POU3F3: variants seen among roughly 807,000 people sequenced by gnomAD.
POU3F3 encodes the protein POU class 3 homeobox 3.
A neutral mutation model predicts 8.6 loss-of-function variants in POU3F3; 1 was observed. The observed-to-expected ratio is 0.12, with a 90% CI of 0.04 to 0.55. The LOEUF (loss-of-function observed/expected upper bound fraction) is 0.55. Ranked by LOEUF, POU3F3 falls within the 20% of genes least tolerant of loss-of-function variation. The pLI, the probability that POU3F3 is intolerant of heterozygous loss-of-function variation, is 0.91. For synonymous variants in POU3F3, 418 were observed against 327.4 expected (o/e 1.28, Z -2.99); for missense variants, 577 against 690.7 (o/e 0.84, Z 1.84).
the POU3F3 span, among the ~76,000 whole-genome samples, chr2:104,886,052 C>T: frequency 6.6e-6 from 1 of 152,204 alleles, no homozygotes; most frequent in Non-Finnish European, 1.5e-5. Context: ...CCGCCTCAGC[C>T]TCCCAAAGTG....
chr2:104,856,269 C>G lies in POU3F3; in HGVS notation c.759C>G (p.Ser253Arg). 3.5e-6 allele frequency: 5 copies of G among 1,429,820 alleles called. No homozygotes were observed. Among genetic ancestry groups the G allele is most frequent in the Non-Finnish European group, 4.5e-6 (5 of 1,102,870 alleles). 88.6% of individuals were successfully genotyped at this position (1,429,820 alleles called of 1,614,324 possible). ...GCGGCGCGGGCGGTGGAGCCCAGAG[C>G]TTGGTGCACCCGGGGCTGGTGCGCG... ...GGGGAGGGAQ[S>R]LVHPGLVRGD... is the part of the protein sequence containing the mutation. Residue 253 changes from serine to arginine, a missense_variant, in exon 1 of 1, where the codon AGC (serine) becomes AGG (arginine). Transcript: ENST00000361360.
chr2:104,911,585 C>T, the POU3F3 span, among the ~76,000 whole-genome samples: 7 of 152,068 alleles, frequency 4.6e-5, no homozygotes, highest in African/African-American at 1.7e-4. Context: ...AGAGCATCTC[C>T]CAGCAGGTTC....
chr2:104,925,373 G>T, the POU3F3 span, among the ~76,000 whole-genome samples: 1 of 152,204 alleles, frequency 6.6e-6, no homozygotes, highest in African/African-American at 2.4e-5. Context: ...GGTTTGGAAG[G>T]ATGTGCTTGT....
chr2:104,920,476 G>A, the POU3F3 span, among the ~76,000 whole-genome samples: 1 of 152,282 alleles, frequency 6.6e-6, no homozygotes, highest in East Asian at 1.9e-4. Flanking sequence ...GCAAAAAGCA[G>A]CAAGAAGCAG....
chr2:104,915,270 GA>G, the POU3F3 span, among the ~76,000 whole-genome samples: 1 of 152,202 alleles, frequency 6.6e-6, no homozygotes, highest in African/African-American at 2.4e-5. Context: ...GGTAAGTCCT[GA>G]AGTTCAGGAA....
At chr2:104,863,312 G>A (rs1394086089), downstream of POU3F3, among the ~76,000 whole-genome samples, 5 of 151,978 alleles carry the variant, frequency 3.3e-5, no homozygotes, top group South Asian at 1.0e-3. Flanking sequence ...AGGAGCGAAG[G>A]AAAGGGAAAC....
the POU3F3 span, among the ~76,000 whole-genome samples, chr2:104,873,663 T>TA: frequency 6.6e-6 from 1 of 152,226 alleles, no homozygotes; most frequent in South Asian, 2.1e-4. Context: ...GGGTGGAGGT[T>TA]AGGCCCGACA....
chr2:104,926,229 A>C, the POU3F3 span, among the ~76,000 whole-genome samples: 1,088 of 152,356 alleles, frequency 7.1e-3, 13 homozygotes, highest in South Asian at 0.042. Flanking sequence ...AATATCCAGA[A>C]TCTACAAAGA....
the POU3F3 span, chr2:104,868,318 G>A: frequency 6.6e-6 from 3 of 456,626 alleles, no homozygotes; most frequent in East Asian, 1.4e-4. Flanking sequence ...GCAGGTGCAA[G>A]AACAGTGCAG....
At chr2:104,877,111 A>G in the POU3F3 span, among the ~76,000 whole-genome samples, 2 of 152,170 alleles carry the variant, frequency 1.3e-5, no homozygotes, top group African/African-American at 4.8e-5. Context: ...TCCACAAGAA[A>G]GAGAACCACA....
chr2:104,863,750 G>A, the POU3F3 span, among the ~76,000 whole-genome samples: 1 of 152,190 alleles, frequency 6.6e-6, no homozygotes, highest in Non-Finnish European at 1.5e-5. Context: ...CGAAGGATGC[G>A]GCGCGTGGAA....
the POU3F3 span, among the ~76,000 whole-genome samples, chr2:104,891,495 G>A: frequency 6.6e-6 from 1 of 152,042 alleles, no homozygotes; most frequent in African/African-American, 2.4e-5. Context: ...CAAATATTCG[G>A]GCTTGTTTAT....
chr2:104,855,163 G>A lies in POU3F3; in HGVS notation c.-348G>A, dbSNP rs866092398. Among the ~76,000 whole-genome samples, 17 of 151,828 alleles carry A rather than the reference G, an allele frequency of 1.1e-4. No individual in the cohort carries two copies. The South Asian group carries it at 3.1e-3, about 28-fold the overall frequency. ...GACCCCCCCTGAAGGGGGTGGCCACGGAGCGCACCCCGAGAAGCGAGCCCC... is the reference window on the plus strand; with the variant it reads ...GACCCCCCCTGAAGGGGGTGGCCACAGAGCGCACCCCGAGAAGCGAGCCCC... On this transcript the variant is annotated 5_prime_UTR_variant, in exon 1 of 1. Transcript: ENST00000361360.
At chr2:104,907,869 C>T in the POU3F3 span, among the ~76,000 whole-genome samples, 1 of 152,028 alleles carries the variant, frequency 6.6e-6, no homozygotes, top group Non-Finnish European at 1.5e-5. Flanking sequence ...AAACACTTCT[C>T]TTGTAGGGTT....
the POU3F3 span, among the ~76,000 whole-genome samples, chr2:104,914,277 G>A: frequency 2.6e-5 from 4 of 152,286 alleles, no homozygotes; most frequent in South Asian, 2.1e-4. Context: ...TAATCCACTC[G>A]TTAACAGAGG....
chr2:104,914,758 A>G, the POU3F3 span, among the ~76,000 whole-genome samples: 2 of 152,158 alleles, frequency 1.3e-5, no homozygotes, highest in Non-Finnish European at 2.9e-5. Context: ...TAGAGAGAAA[A>G]GGGAAAGAGA....
the POU3F3 span, among the ~76,000 whole-genome samples, chr2:104,920,263 C>T: frequency 6.6e-6 from 1 of 152,200 alleles, no homozygotes; most frequent in Non-Finnish European, 1.5e-5. Flanking sequence ...GATCCATCCG[C>T]CTCAGCCTCC....
At chr2:104,891,700 G>A in the POU3F3 span, among the ~76,000 whole-genome samples, 3 of 152,128 alleles carry the variant, frequency 2.0e-5, no homozygotes, top group Admixed American at 1.3e-4. Context: ...CTTCCATCAC[G>A]GAATTTCTGT....
the POU3F3 span, among the ~76,000 whole-genome samples, chr2:104,881,347 T>C: frequency 6.6e-6 from 1 of 151,946 alleles, no homozygotes; most frequent in African/African-American, 2.4e-5. Context: ...TTTTTTTTTG[T>C]AGAGATGGGG....
Sources: gnomAD v4.1 joint callset for allele counts (sites outside exome capture counted in the v4.1 genomes callset) on GRCh38, gnomAD v4.1.1 for gene constraint, MANE v1.5 for transcripts, NCBI Gene and HGNC (gene_info 2026-07-23, HGNC 2026-07-21) for gene names.